The following ACOX2 variants were observed in gnomAD, a reference collection of about 807,000 sequenced individuals.
ACOX2 encodes peroxisomal acyl-coenzyme A oxidase 2.
A neutral mutation model predicts 77.5 loss-of-function variants in ACOX2; 59 were observed. That is an observed-to-expected ratio of 0.76 (90% CI 0.62 to 0.95). ACOX2 has a LOEUF of 0.95. Ranked by LOEUF, ACOX2 falls within the 40% of genes least tolerant of loss-of-function variation. The probability of loss-of-function intolerance (pLI) is 0.00; values close to 1 mark genes in which losing one functional copy is unlikely to be tolerated. For synonymous variants in ACOX2, 317 were observed against 340.1 expected, an observed-to-expected ratio of 0.93 and a Z score of 0.75; for missense variants, 837 against 880.4, an observed-to-expected ratio of 0.95 and a Z score of 0.62.
chr3:58,517,634 G>A (rs375576470), intron 12 of ACOX2, among the ~76,000 whole-genome samples: 1 of 146,642 alleles, frequency 6.8e-6, no homozygotes, highest in Non-Finnish European at 1.5e-5. Flanking sequence ...GCGGGGACGG[G>A]GGGGACTGGT....
At chr3:58,532,660 T>C (rs2063449475) in intron 5 of ACOX2, among the ~76,000 whole-genome samples, 1 of 152,174 alleles carries the variant, frequency 6.6e-6, no homozygotes, top group Non-Finnish European at 1.5e-5. Flanking sequence ...GCTGGGATTA[T>C]AGGCATGAGC....
Position 58,533,792 on chromosome 3 carries a change from C to A in ACOX2, c.475+202G>T, listed in dbSNP as rs1169679167. 16 of 728,258 alleles carry A rather than the reference C, an allele frequency of 2.2e-5. No homozygotes were observed. Among genetic ancestry groups the A allele is most frequent in the South Asian group, 3.8e-5 (2 of 52,498 alleles). 45.1% of individuals were successfully genotyped at this position (728,258 alleles called of 1,614,324 possible). A position where few individuals can be genotyped will look rare whatever the true frequency, so the allele number is the denominator to read the frequency against. On this transcript the variant is annotated intron_variant, in intron 4 of 14. Transcript: ENST00000302819. The surrounding 1 kb of genome is among the most constrained non-coding windows in gnomAD (Gnocchi z 5.6). ...GATGTTTCCAGAAGGAATGACTTGC[C>A]CCACTGGGAGCTCATACAATACGTG...
Position 58,523,735 on chromosome 3 carries a change from C to T in ACOX2, c.1526+691G>A, listed in dbSNP as rs1381164279. Among the ~76,000 whole-genome samples, 7 of 152,126 alleles carry T rather than the reference C, an allele frequency of 4.6e-5. No individual in the cohort carries two copies. The highest frequency in any genetic ancestry group is 4.6e-4 in the Admixed American group (7 of 15,276). ...AAGTGCTGGAATTACTGGTGTCAGC[C>T]ACCATGCCCAGCCTGTTTTCGGTGT... On this transcript the variant is annotated intron_variant, in intron 11 of 14. Transcript: ENST00000302819. This position sits in a 1 kb window ranked among gnomAD's most constrained non-coding sequence, Gnocchi z 5.3.
chr3:58,530,046 T>G (rs2063425259), intron 8 of ACOX2, among the ~76,000 whole-genome samples: 1 of 152,200 alleles, frequency 6.6e-6, no homozygotes, highest in Non-Finnish European at 1.5e-5. Flanking sequence ...TTTGCTAGGC[T>G]CGGCCTGACA....
At position 58,505,817 on chromosome 3, in the gene ACOX2, G is replaced by A. The variant is rs752381633; in HGVS notation, c.1984-531C>T. On this transcript the variant is annotated intron_variant, in intron 14 of 14. Coordinates refer to ENST00000302819, the MANE Select transcript of ACOX2 (RefSeq NM_003500.4). This position sits in a 1 kb window ranked among gnomAD's most constrained non-coding sequence, Gnocchi z 4.4. ...TTTTGACTGTTTTTTTTTGGAGACA[G>A]TATTGCTCTGTTGCCCAGGCTGGAG... 2.6e-5 allele frequency among the ~76,000 whole-genome samples: 4 copies of A among 151,614 alleles called. No homozygotes were observed. Among genetic ancestry groups the A allele is most frequent in the South Asian group, 2.1e-4 (1 of 4,792 alleles).
chr3:58,536,556 G>A (rs1021716827), intron 1 of ACOX2, among the ~76,000 whole-genome samples: 5 of 152,192 alleles, frequency 3.3e-5, no homozygotes, highest in East Asian at 1.9e-4. Flanking sequence ...TCTGCCCCCC[G>A]GAGTCCTGCA....
chr3:58,530,914 T>C (rs1298319563), intron 7 of ACOX2, among the ~76,000 whole-genome samples: 13 of 152,184 alleles, frequency 8.5e-5, no homozygotes, highest in Non-Finnish European at 1.5e-5. Flanking sequence ...CTGGCTGGTA[T>C]CTGTTGGGCG....
At position 58,517,312 on chromosome 3, in the gene ACOX2, G is replaced by A. The variant is rs1019327607; in HGVS notation, c.1744C>T (p.His582Tyr). 2 of 1,614,096 alleles carry A rather than the reference G, an allele frequency of 1.2e-6. No homozygotes were observed. Among genetic ancestry groups the A allele is most frequent in the Non-Finnish European group, 1.7e-6 (2 of 1,180,044 alleles). Reference sequence around the variant, plus strand: ...TCACCCGAGTTAGTCAAGATTCCATGTATGGCATGGAGGTCACAGAGGCGC... The same window carrying A: ...TCACCCGAGTTAGTCAAGATTCCATATATGGCATGGAGGTCACAGAGGCGC... ...LKRLCDLHAI[H>Y]GILTNSGDFL... The change falls in exon 13 of 15, where the codon CAT becomes TAT. Residue 582 changes from histidine to tyrosine, a missense_variant. Physicochemically the swap from His to Tyr is moderately conservative, Grantham distance 83 (BLOSUM62 2). Coordinates refer to ENST00000302819, the MANE Select transcript of ACOX2 (RefSeq NM_003500.4).
In ACOX2 at chr3:58,524,529, C is replaced by T. The variant is rs1337986864; in HGVS notation, c.1423G>A (p.Ala475Thr). ...TPQRSLSPSV[A>T]YLTAPDLARC... The stretch of plus-strand genomic sequence containing the variant: ...GCCAGGTCAGGTGCGGTGAGATATG[C>T]GACAGATGGAGAGAGAGATCTCTGT... The change falls in exon 11 of 15, where the codon GCA (alanine) becomes ACA (threonine). Residue 475 changes from alanine to threonine, a missense_variant. By Grantham distance (58) the Ala-to-Thr change is moderately conservative. Transcript: ENST00000302819. This position sits in a 1 kb window ranked among gnomAD's most constrained non-coding sequence, Gnocchi z 5.5. 14 of 1,614,146 alleles carry T rather than the reference C, an allele frequency of 8.7e-6. No individual in the cohort carries two copies. The highest frequency in any genetic ancestry group is 1.6e-4 in the Middle Eastern group (1 of 6,062).
In ACOX2 at chr3:58,531,933, G is replaced by A; in HGVS notation, c.584-121C>T. 1 of 1,371,414 alleles carries A rather than the reference G, an allele frequency of 7.3e-7. No homozygotes were observed. The highest frequency in any genetic ancestry group is 1.6e-5 in the South Asian group (1 of 63,018). 85.0% of individuals were successfully genotyped at this position (1,371,414 alleles called of 1,614,324 possible). A position where few individuals can be genotyped will look rare whatever the true frequency, so the allele number is the denominator to read the frequency against. On this transcript the variant is annotated intron_variant, in intron 5 of 14. Coordinates refer to ENST00000302819, the MANE Select transcript of ACOX2 (RefSeq NM_003500.4). This position sits in a 1 kb window ranked among gnomAD's most constrained non-coding sequence, Gnocchi z 5.8. The stretch of plus-strand genomic sequence containing the variant: ...ACCTCTGGGGCCCTGAAAAGTCACT[G>A]ATCAAAGAGAGAGGGGATTGCCCCC...
Position 58,530,532 on chromosome 3 carries a change from AG to A in ACOX2, c.925del (p.Leu309CysfsTer68), listed in dbSNP as rs758022714. 10 of 1,614,132 alleles carry A rather than the reference AG, an allele frequency of 6.2e-6. No individual in the cohort carries two copies. The Admixed American group carries it at 1.2e-4, about 19-fold the overall frequency. On this transcript the variant is annotated frameshift_variant, in exon 8 of 15. Transcript: ENST00000302819. LOFTEE classifies it high-confidence loss of function. Reference protein sequence around the residue: ...ELLSGEILPILQKACVIAMRY... With the variant: ...ELLSGEILPIXQKACVIAMRY... ...CATGGCGATGACACAGGCCTTCTGC[AG>A]TATAGGGAGGATCTCCCCTGACAGC...
rs1180630463 is a variant in ACOX2 at position 58,521,237 on chromosome 3, TG to T, written c.1632+1258del. ...ATCACGTGTGGTGTGGTGGAGGTGGTGGGTCACGTGGTGGTGCTCAACGTCC... is the reference window on the plus strand; with the variant it reads ...ATCACGTGTGGTGTGGTGGAGGTGGTGGTCACGTGGTGGTGCTCAACGTCC... On this transcript the variant is annotated intron_variant, in intron 12 of 14. Coordinates refer to ENST00000302819, the MANE Select transcript of ACOX2 (RefSeq NM_003500.4). The surrounding 1 kb of genome is among the most constrained non-coding windows in gnomAD (Gnocchi z 4.8). Among the ~76,000 whole-genome samples, 1 of 152,022 alleles carries T rather than the reference TG, an allele frequency of 6.6e-6. No individual in the cohort carries two copies. The highest frequency in any genetic ancestry group is 1.5e-5 in the Non-Finnish European group (1 of 67,990).
chr3:58,531,691 A>C lies in ACOX2; in HGVS notation c.703+2T>G. 6.2e-7 allele frequency: 1 copy of C among 1,613,720 alleles called. No individual in the cohort carries two copies. Among genetic ancestry groups the C allele is most frequent in the South Asian group, 1.1e-5 (1 of 91,010 alleles). On this transcript the variant is annotated splice_donor_variant, in intron 6 of 14. Coordinates refer to ENST00000302819, the MANE Select transcript of ACOX2 (RefSeq NM_003500.4). LOFTEE classifies it high-confidence loss of function. This position sits in a 1 kb window ranked among gnomAD's most constrained non-coding sequence, Gnocchi z 5.8. ...TTCCTTGAGGGAGCATTATGGGCTT[A>C]CCTGGCAGTGGGGTGTGGTCCTGAA...
chr3:58,523,479 C>A lies in ACOX2; in HGVS notation c.1527-878G>T, dbSNP rs907484544. ...TTTTGGAATAAATAAATGAATGTTCCAAGTTGCTTGTGATCTTGAAATAAC... is the reference window on the plus strand; with the variant it reads ...TTTTGGAATAAATAAATGAATGTTCAAAGTTGCTTGTGATCTTGAAATAAC... On this transcript the variant is annotated intron_variant, in intron 11 of 14. Transcript: ENST00000302819. This position sits in a 1 kb window ranked among gnomAD's most constrained non-coding sequence, Gnocchi z 5.3. 6.6e-6 allele frequency among the ~76,000 whole-genome samples: 1 copy of A among 152,176 alleles called. No homozygotes were observed. The highest frequency in any genetic ancestry group is 2.4e-5 in the African/African-American group (1 of 41,446).
In ACOX2 at chr3:58,530,020, C is replaced by T. The variant is rs144172565; in HGVS notation, c.992+446G>A. ...CAGAACGAGCTCAGCCACACACAGT[C>T]GATATGATATTGGATTTTGCTAGGC... On this transcript the variant is annotated intron_variant, in intron 8 of 14. Transcript: ENST00000302819. Among the ~76,000 whole-genome samples, 749 of 152,326 alleles carry T rather than the reference C, an allele frequency of 4.9e-3. 6 individuals carry two copies. Among genetic ancestry groups the T allele is most frequent in the African/African-American group, 0.017 (707 of 41,566 alleles).
In ACOX2 at chr3:58,517,249, C is replaced by T. The variant is rs762498699; in HGVS notation, c.1807G>A (p.Asp603Asn). Residue 603 changes from aspartate to asparagine, a missense_variant, in exon 13 of 15, where the codon GAC becomes AAC. Asp to Asn is a conservative substitution (Grantham distance 23). Coordinates refer to ENST00000302819, the MANE Select transcript of ACOX2 (RefSeq NM_003500.4). ...TCCAGGTAGGCTGTTCTTGCCATGT[C>T]CACTTGGGCACCAGACAGGAAGGCG... ...HDAFLSGAQV[D>N]MARTAYLDLL... 1.9e-6 allele frequency: 3 copies of T among 1,614,128 alleles called. No individual in the cohort carries two copies. Among genetic ancestry groups the T allele is most frequent in the Non-Finnish European group, 2.5e-6 (3 of 1,180,036 alleles).
Position 58,505,434 on chromosome 3 carries a change from G to A in ACOX2, c.1984-148C>T. On this transcript the variant is annotated intron_variant, in intron 14 of 14. Coordinates refer to ENST00000302819, the MANE Select transcript of ACOX2 (RefSeq NM_003500.4). The surrounding 1 kb of genome is among the most constrained non-coding windows in gnomAD (Gnocchi z 4.4). ...ATTATTTCTAAGACTCATTTTGTGT[G>A]AACATATGGAGAAACATTTTTTCCA... 1.6e-6 allele frequency: 1 copy of A among 635,212 alleles called. No homozygotes were observed. Among genetic ancestry groups the A allele is most frequent in the South Asian group, 3.2e-5 (1 of 31,302 alleles). 39.3% of individuals were successfully genotyped at this position (635,212 alleles called of 1,614,324 possible).
At position 58,528,208 on chromosome 3, in the gene ACOX2, C is replaced by T. The variant is rs1432264341; in HGVS notation, c.1155+586G>A. 5.3e-5 allele frequency among the ~76,000 whole-genome samples: 8 copies of T among 152,140 alleles called. No individual in the cohort carries two copies. The highest frequency in any genetic ancestry group is 5.2e-4 in the Admixed American group (8 of 15,266). The stretch of plus-strand genomic sequence containing the variant: ...CATTGCAGTTGGAAGGGTTAATGAG[C>T]AGTGCTTATAAAGCATGGTAGCCTG... On this transcript the variant is annotated intron_variant, in intron 9 of 14. Transcript: ENST00000302819. The surrounding 1 kb of genome is among the most constrained non-coding windows in gnomAD (Gnocchi z 5.6).
intron 13 of ACOX2, 144 bp downstream of exon 13, chr3:58,517,062 G>T: frequency 1.4e-6 from 1 of 740,528 alleles, no homozygotes; most frequent in Non-Finnish European, 2.2e-6. Context: ...GCTTTATGCT[G>T]GTGTAATGAT....
Sources: allele counts gnomAD v4.1 joint callset (sites outside exome capture counted in the v4.1 genomes callset), GRCh38; gene constraint gnomAD v4.1.1; non-coding constraint Gnocchi (gnomAD v3.1); transcripts MANE v1.5; gene names NCBI Gene and HGNC (gene_info 2026-07-23, HGNC 2026-07-21).